The following STK3 variants were observed in gnomAD, a reference collection of about 807,000 sequenced individuals.
STK3 encodes serine/threonine-protein kinase 3.
STK3 carries 41 observed loss-of-function variants against 58.0 expected under a neutral mutation model. That is an observed-to-expected ratio of 0.71 (90% CI 0.55 to 0.92). The LOEUF (loss-of-function observed/expected upper bound fraction) is 0.92. STK3 is among the 40% of genes least tolerant of loss of function. The pLI is 0.00. For synonymous variants in STK3, 170 were observed against 191.0 expected (o/e 0.89, Z 0.91); for missense variants, 479 against 602.7 (o/e 0.79, Z 2.15).
intron 3 of STK3, among the ~76,000 whole-genome samples, chr8:98,834,066 C>T (rs972003718): frequency 3.9e-5 from 6 of 152,164 alleles, no homozygotes; most frequent in African/African-American, 9.7e-5. Flanking sequence ...CCTGCAACCA[C>T]CTGTTTAGCT....
intron 1 of STK3, among the ~76,000 whole-genome samples, chr8:98,912,875 G>GT (rs1283627435): frequency 6.6e-6 from 1 of 151,886 alleles, no homozygotes; most frequent in Non-Finnish European, 1.5e-5. Context: ...TGTTTTTTTT[G>GT]TTTTTTGTTT....
chr8:98,425,022 A>G (rs1287392619), intron 3 of STK3, among the ~76,000 whole-genome samples: 1 of 152,186 alleles, frequency 6.6e-6, no homozygotes, highest in Non-Finnish European at 1.5e-5. Context: ...TGCAGCCACC[A>G]TCACCCCGCC....
intron 6 of STK3, among the ~76,000 whole-genome samples, chr8:98,650,211 T>C (rs1053762269): frequency 6.6e-6 from 1 of 152,254 alleles, no homozygotes. Context: ...ATACAGATTA[T>C]TTCATTTTTT....
chr8:98,875,989 A>T (rs1398017321), intron 3 of STK3, among the ~76,000 whole-genome samples: 1 of 152,202 alleles, frequency 6.6e-6, no homozygotes, highest in Admixed American at 6.5e-5. Flanking sequence ...TCAAAGGCAA[A>T]GGACCCTATT....
chr8:98,547,629 A>G (rs1810809875), intron 9 of STK3, among the ~76,000 whole-genome samples: 1 of 152,200 alleles, frequency 6.6e-6, no homozygotes. Context: ...TGTTGAATTT[A>G]CTGGAAGATA....
intron 3 of STK3, among the ~76,000 whole-genome samples, chr8:98,842,769 G>A (rs1371085721): frequency 1.3e-5 from 2 of 152,102 alleles, no homozygotes; most frequent in East Asian, 1.9e-4. Context: ...GGTAGGCCGA[G>A]GCAGGTGGAT....
chr8:98,769,770 A>G (rs1831178297), intron 2 of STK3, among the ~76,000 whole-genome samples: 2 of 152,198 alleles, frequency 1.3e-5, no homozygotes, highest in African/African-American at 2.4e-5. Flanking sequence ...AATAAAGTAT[A>G]AGGACTATAG....
rs534133677 is a variant in STK3, at chr8:98,581,646, G to A, written c.823-1857C>T. On this transcript the variant is annotated intron_variant, in intron 7 of 10. Coordinates refer to ENST00000419617, the MANE Select transcript of STK3 (RefSeq NM_006281.4). ...GTCTTACTAGGCTGTCCATTTCTCC[G>A]TCCTTCTGCTTGAAAGAGCAGGTTT... Among the ~76,000 whole-genome samples, 119 of 151,324 alleles carry A rather than the reference G, an allele frequency of 7.9e-4. 1 individual carries two copies. The highest frequency in any genetic ancestry group is 2.8e-3 in the African/African-American group (116 of 41,266).
intron 1 of STK3, among the ~76,000 whole-genome samples, chr8:98,447,097 G>A (rs1156950900): frequency 6.6e-6 from 1 of 152,048 alleles, no homozygotes; most frequent in East Asian, 1.9e-4. Flanking sequence ...CAGGGTGGAG[G>A]GTGGCAAGAG....
chr8:98,471,074 T>C lies in STK3; in HGVS notation c.1318-15074A>G, dbSNP rs533085830. On this transcript the variant is annotated intron_variant, in intron 10 of 10. Coordinates refer to ENST00000419617, the MANE Select transcript of STK3 (RefSeq NM_006281.4). ...TACAGCTTGACTGGCTCAGAGAGTT[T>C]ATAGGTTTGTAGAGGATGAGTGGCT... 3.9e-5 allele frequency among the ~76,000 whole-genome samples: 6 copies of C among 152,282 alleles called. No individual in the cohort carries two copies. In the South Asian group the frequency reaches 1.0e-3, roughly 26 times the overall value.
intron 8 of STK3, among the ~76,000 whole-genome samples, chr8:98,577,157 T>C (rs1813477756): frequency 6.6e-6 from 1 of 152,210 alleles, no homozygotes; most frequent in South Asian, 2.1e-4. Flanking sequence ...TGGAGGTAAC[T>C]GATTCTTAGA....
At chr8:98,468,747 A>C (rs1486552115) in intron 10 of STK3, among the ~76,000 whole-genome samples, 1 of 152,220 alleles carries the variant, frequency 6.6e-6, no homozygotes, top group Non-Finnish European at 1.5e-5. Flanking sequence ...TGAATTGGGG[A>C]AAGGACAACA....
chr8:98,723,058 T>C (rs891328398), intron 4 of STK3: 1 of 327,370 alleles, frequency 3.1e-6, no homozygotes, highest in African/African-American at 2.2e-5. Flanking sequence ...TGGATTTAAT[T>C]AGGTTATCCT....
intron 9 of STK3, among the ~76,000 whole-genome samples, chr8:98,543,787 T>C (rs73699912): frequency 0.023 from 3,549 of 152,096 alleles, 126 homozygotes; most frequent in African/African-American, 0.079. Flanking sequence ...TCCAGGAAAG[T>C]TGAGGGCCCA....
intron 1 of STK3, among the ~76,000 whole-genome samples, chr8:98,915,304 C>T (rs1233284558): frequency 6.6e-6 from 1 of 151,744 alleles, no homozygotes; most frequent in Non-Finnish European, 1.5e-5. Flanking sequence ...TGGATGCTTC[C>T]TGCCCTCGAA....
chr8:98,549,454 T>C (rs897632063), intron 8 of STK3, among the ~76,000 whole-genome samples: 2 of 152,214 alleles, frequency 1.3e-5, no homozygotes, highest in African/African-American at 4.8e-5. Flanking sequence ...TGTTTGGTTT[T>C]TCTGTTGTTA....
chr8:98,787,660 A>C (rs1004392036), intron 1 of STK3, among the ~76,000 whole-genome samples: 2 of 152,194 alleles, frequency 1.3e-5, no homozygotes, highest in African/African-American at 2.4e-5. Context: ...GACAAAGAAA[A>C]GAGTCTTAAG....
chr8:98,434,934 G>A (rs772020208), intron 2 of STK3, among the ~76,000 whole-genome samples: 2 of 152,218 alleles, frequency 1.3e-5, no homozygotes, highest in Non-Finnish European at 2.9e-5. Flanking sequence ...CTTCCATTGA[G>A]TCTATTTTAT....
chr8:98,621,632 T>A (rs1196639733), intron 6 of STK3, among the ~76,000 whole-genome samples: 1 of 152,072 alleles, frequency 6.6e-6, no homozygotes, highest in African/African-American at 2.4e-5. Context: ...TGCATCAAAT[T>A]TTTTTTTCTA....
Sources: gnomAD v4.1 joint callset for allele counts (sites outside exome capture counted in the v4.1 genomes callset) on GRCh38, gnomAD v4.1.1 for gene constraint, MANE v1.5 for transcripts, NCBI Gene and HGNC (gene_info 2026-07-23, HGNC 2026-07-21) for gene names.